The following MTCL1 variants were observed in gnomAD, a reference collection of about 807,000 sequenced individuals.
The protein encoded by MTCL1 is microtubule crosslinking factor 1.
Under a neutral mutation model 141.4 loss-of-function variants are expected in MTCL1, and 79 were observed. The ratio of observed to expected loss-of-function variants is 0.56; its 90% CI spans 0.47 to 0.67. The LOEUF (loss-of-function observed/expected upper bound fraction) is 0.67, where lower values mean the gene tolerates loss of function less well. MTCL1 is among the 30% of genes least tolerant of loss of function. MTCL1 has a pLI of 0.00. For missense variants in MTCL1, 2,177 were observed against 2,113.9 expected (o/e 1.03, Z -0.59); for synonymous variants, 914 against 875.8 (o/e 1.04, Z -0.77).
intron 3 of MTCL1, among the ~76,000 whole-genome samples, chr18:8,718,923 A>C (rs2096149084): frequency 6.6e-6 from 1 of 152,204 alleles, no homozygotes; most frequent in Non-Finnish European, 1.5e-5. Context: ...ATTGGATAGA[A>C]ATTCTGCAGA....
At chr18:8,755,640 CA>C (rs2096393612) in intron 4 of MTCL1, among the ~76,000 whole-genome samples, 1 of 152,188 alleles carries the variant, frequency 6.6e-6, no homozygotes, top group Admixed American at 6.5e-5. Flanking sequence ...TATTTTGTGG[CA>C]GATCATGACT....
intron 4 of MTCL1, among the ~76,000 whole-genome samples, chr18:8,742,874 A>G (rs2096312471): frequency 6.6e-6 from 1 of 152,228 alleles, no homozygotes. Context: ...CACCAATAAT[A>G]TGACTACAAT....
chr18:8,792,936 C>T (rs1469600884), intron 7 of MTCL1, 62 bp from the exon 7 acceptor site: 10 of 1,595,116 alleles, frequency 6.3e-6, no homozygotes, highest in African/African-American at 1.3e-5. Context: ...GTCTGTCCTG[C>T]GTCGTCACCT....
chr18:8,706,427 C>G (rs1216668372), exon 1 of MTCL1: 1 of 1,227,562 alleles, frequency 8.1e-7, no homozygotes, highest in Non-Finnish European at 1.0e-6. Flanking sequence ...AGCCCCGCAG[C>G]CCGAGGAGCG....
chr18:8,786,717 G>C, intron 7 of MTCL1: 1 of 233,320 alleles, frequency 4.3e-6, no homozygotes, highest in Non-Finnish European at 8.6e-6. Flanking sequence ...ACCCGACCCG[G>C]GACAGAAAGA....
intron 13 of MTCL1, among the ~76,000 whole-genome samples, chr18:8,820,184 C>T (rs894979167): frequency 5.9e-5 from 9 of 151,914 alleles, no homozygotes; most frequent in South Asian, 2.1e-4. Context: ...CCGAGGTGGG[C>T]GGATCACGAG....
intron 10 of MTCL1, among the ~76,000 whole-genome samples, chr18:8,799,403 CA>C (rs1372038026): frequency 6.6e-6 from 1 of 152,204 alleles, no homozygotes; most frequent in East Asian, 1.9e-4. Flanking sequence ...CACCTGTCCC[CA>C]CTTCATTCTC....
At chr18:8,784,209 T>C in exon 6 of MTCL1, 1 of 1,612,570 alleles carries the variant, frequency 6.2e-7, no homozygotes, top group Non-Finnish European at 8.5e-7. Context: ...CTGTCCAACA[T>C]CCAGCGCTGC....
chr18:8,777,749 C>A (rs2096517039), intron 4 of MTCL1, 84 bp from the exon 4 acceptor site: 1 of 1,227,346 alleles, frequency 8.1e-7, no homozygotes, highest in African/African-American at 1.5e-5. Context: ...GTGTGTGTGT[C>A]CCCACCCATG....
upstream of MTCL1, among the ~76,000 whole-genome samples, chr18:8,717,190 T>A (rs1027587905): frequency 2.6e-5 from 4 of 152,136 alleles, no homozygotes; most frequent in Admixed American, 2.0e-4. Flanking sequence ...CTTACCTTGT[T>A]AGTGTAGGTG....
intron 4 of MTCL1, among the ~76,000 whole-genome samples, chr18:8,776,252 C>T (rs1353148798): frequency 6.6e-6 from 1 of 152,208 alleles, no homozygotes; most frequent in Admixed American, 6.5e-5. Flanking sequence ...GCCGGCAGAG[C>T]TCTGCTTCCC....
At chr18:8,790,557 G>A (rs1396844501) in intron 7 of MTCL1, among the ~76,000 whole-genome samples, 1 of 152,256 alleles carries the variant, frequency 6.6e-6, no homozygotes, top group African/African-American at 2.4e-5. Context: ...TGGCCGCTGT[G>A]TTTACTGCTG....
chr18:8,798,541 G>A (rs2076005012), intron 10 of MTCL1, among the ~76,000 whole-genome samples: 1 of 152,166 alleles, frequency 6.6e-6, no homozygotes, highest in Non-Finnish European at 1.5e-5. Flanking sequence ...TGTAGTAAGG[G>A]CAGATCAATG....
At chr18:8,824,874 A>C in exon 15 of MTCL1, 1 of 1,614,006 alleles carries the variant, frequency 6.2e-7, no homozygotes, top group Non-Finnish European at 8.5e-7. Context: ...CACACCCAAC[A>C]GGGGCCACAA....
intron 4 of MTCL1, among the ~76,000 whole-genome samples, chr18:8,734,997 C>A (rs8095514): frequency 6.6e-6 from 1 of 151,964 alleles, no homozygotes; most frequent in African/African-American, 2.4e-5. Context: ...CCCAAACTGG[C>A]GTTTTGTGAA....
intron 4 of MTCL1, among the ~76,000 whole-genome samples, chr18:8,739,323 G>C (rs1057057120): frequency 5.3e-5 from 8 of 152,160 alleles, no homozygotes; most frequent in Admixed American, 1.3e-4. Flanking sequence ...GCAGGCAGGG[G>C]CCTATTTCAC....
intron 8 of MTCL1, among the ~76,000 whole-genome samples, chr18:8,793,670 C>A (rs1236866220): frequency 6.6e-6 from 1 of 152,188 alleles, no homozygotes; most frequent in East Asian, 1.9e-4. Context: ...CCCTGGACAT[C>A]CATGAGAACA....
At position 8,822,045 on chromosome 18, in the gene MTCL1, A is replaced by G. The variant is rs1217555262; in HGVS notation, c.3188+547A>G. On this transcript the variant is annotated intron_variant, in intron 14 of 16. Transcript: ENST00000359865. This position sits in a 1 kb window ranked among gnomAD's most constrained non-coding sequence, Gnocchi z 4.6. ...CAAATGAATACATACCGTTTCTACT[A>G]CATGAAATTTCTTCTCAGGCAATTC... Among the ~76,000 whole-genome samples, 4 of 152,220 alleles carry G rather than the reference A, an allele frequency of 2.6e-5. No homozygotes were observed. The highest frequency in any genetic ancestry group is 6.5e-5 in the Admixed American group (1 of 15,282).
rs530813070 is a variant in MTCL1 at position 8,772,152 on chromosome 18, G to A, written c.358-5681G>A. 4.6e-5 allele frequency among the ~76,000 whole-genome samples: 7 copies of A among 152,354 alleles called. No individual in the cohort carries two copies. In the South Asian group the frequency reaches 1.4e-3, roughly 32 times the overall value. On this transcript the variant is annotated intron_variant, in intron 4 of 16. Transcript: ENST00000359865. ...TCATGACTGCTTGGCACTTGGCCAG[G>A]GGACCATATGCCTGGAGTTGTGTAA...
Sources: allele counts gnomAD v4.1 joint callset (sites outside exome capture counted in the v4.1 genomes callset), GRCh38; gene constraint gnomAD v4.1.1; non-coding constraint Gnocchi (gnomAD v3.1); transcripts MANE v1.5; gene names NCBI Gene and HGNC (gene_info 2026-07-23, HGNC 2026-07-21).